ABCA13: variants seen among roughly 807,000 people sequenced by gnomAD.
ABCA13 encodes ATP binding cassette subfamily A member 13.
In ABCA13, 476 loss-of-function variants were observed where a neutral mutation model predicts 478.7. The observed-to-expected ratio is 0.99, with a 90% CI of 0.92 to 1.07. The LOEUF (loss-of-function observed/expected upper bound fraction) is 1.07. Among genes scored for constraint, ABCA13 ranks in the 50% least tolerant of loss-of-function variants. ABCA13 has a pLI of 0.00. For synonymous variants in ABCA13, 2,252 were observed against 2,158.9 expected (o/e 1.04, Z -1.20); for missense variants, 6,060 against 5,910.6 (o/e 1.03, Z -0.83).
chr7:48,241,284 G>C (rs1036410845), intron 10 of ABCA13, among the ~76,000 whole-genome samples: 1 of 152,184 alleles, frequency 6.6e-6, no homozygotes, highest in Non-Finnish European at 1.5e-5. Context: ...GCAATCGACC[G>C]AATACGGGAG....
At chr7:48,199,867 A>G (rs902726860) in intron 3 of ABCA13, among the ~76,000 whole-genome samples, 4 of 152,198 alleles carry the variant, frequency 2.6e-5, no homozygotes, top group Non-Finnish European at 5.9e-5. Flanking sequence ...TTTTGTGGCT[A>G]AACAATACTG....
In ABCA13 at chr7:48,276,302, G is replaced by C. The variant is rs2128763414; in HGVS notation, c.6636G>C (p.Leu2212Phe). Reference sequence around the variant, plus strand: ...TTTTTGAAAACATCCTAATTAATTTGATCAATAACTTAGCTGGGAATTCTC... The same window carrying C: ...TTTTTGAAAACATCCTAATTAATTTCATCAATAACTTAGCTGGGAATTCTC... ...QLLFENILINLINNLAGNSQE... is the reference protein window; with the variant it reads ...QLLFENILINFINNLAGNSQE... The change falls in exon 17 of 62, where the codon TTG (leucine) becomes TTC (phenylalanine). Residue 2212 changes from leucine (L) to phenylalanine (F), a missense_variant. Transcript: ENST00000435803. 4 of 1,555,958 alleles carry C rather than the reference G, an allele frequency of 2.6e-6. No homozygotes were observed. In the East Asian group the frequency reaches 7.0e-5, roughly 27 times the overall value.
intron 23 of ABCA13, among the ~76,000 whole-genome samples, chr7:48,307,607 T>TA (rs551123180): frequency 1.3e-5 from 2 of 151,742 alleles, no homozygotes; most frequent in African/African-American, 2.4e-5. Flanking sequence ...TCTACATTTA[T>TA]AAAAAAAAAT....
intron 58 of ABCA13, among the ~76,000 whole-genome samples, chr7:48,615,053 A>G (rs1157066576): frequency 6.6e-6 from 1 of 150,964 alleles, no homozygotes; most frequent in Non-Finnish European, 1.5e-5. Context: ...AAATAAAAAA[A>G]TAAATAAATA....
rs369906524 is a variant in ABCA13 at position 48,314,434 on chromosome 7, A to G, written c.9859+25A>G. 1.3e-4 allele frequency: 196 copies of G among 1,497,104 alleles called. 2 individuals are homozygous for G. Among genetic ancestry groups the G allele is most frequent in the Non-Finnish European group, 1.7e-4 (184 of 1,112,322 alleles). 92.7% of individuals were successfully genotyped at this position (1,497,104 alleles called of 1,614,324 possible). On this transcript the variant is annotated intron_variant, in intron 26 of 61. Transcript: ENST00000435803. Reference sequence around the variant, plus strand: ...AGTAAGACAGTAGTAATATATATATATGTGTTTAGATTCGTTTGTATCTTG... The same window carrying G: ...AGTAAGACAGTAGTAATATATATATGTGTGTTTAGATTCGTTTGTATCTTG...
At chr7:48,363,085 G>C (rs1232077170) in intron 31 of ABCA13, among the ~76,000 whole-genome samples, 1 of 152,014 alleles carries the variant, frequency 6.6e-6, no homozygotes, top group Non-Finnish European at 1.5e-5. Context: ...CTTACCATCA[G>C]CCCTTTCACT....
At chr7:48,228,624 G>A (rs1156649016) in intron 6 of ABCA13, among the ~76,000 whole-genome samples, 1 of 152,122 alleles carries the variant, frequency 6.6e-6, no homozygotes, top group Non-Finnish European at 1.5e-5. Context: ...CCAGGGACAG[G>A]TGCTCCCCAA....
Position 48,633,404 on chromosome 7 carries a change from T to C in ABCA13, c.14838-9884T>C, listed in dbSNP as rs1307781013. Among the ~76,000 whole-genome samples the C allele has an allele frequency of 2.0e-5, 3 of 152,084 alleles. No homozygotes were observed. The East Asian group carries it at 5.8e-4, about 29-fold the overall frequency. ...AACAAAGAAATTCTAGACTTAACTTTGACACTTGACAAATTGGACCTAATA... is the reference window on the plus strand; with the variant it reads ...AACAAAGAAATTCTAGACTTAACTTCGACACTTGACAAATTGGACCTAATA... On this transcript the variant is annotated intron_variant, in intron 59 of 61. Transcript: ENST00000435803.
rs571402734 is a variant in ABCA13 at position 48,375,618 on chromosome 7, G to T, written c.11204-823G>T. ...TAGATATTTGTATGGTTTTTTTTGGGGGGGGGTGTTTTTGTAAACAGAGGT... is the reference window on the plus strand; with the variant it reads ...TAGATATTTGTATGGTTTTTTTTGGTGGGGGGTGTTTTTGTAAACAGAGGT... On this transcript the variant is annotated intron_variant, in intron 34 of 61. Coordinates refer to ENST00000435803, the MANE Select transcript of ABCA13 (RefSeq NM_152701.5). 1.3e-5 allele frequency among the ~76,000 whole-genome samples: 2 copies of T among 151,850 alleles called. 1 individual carries two copies. The highest frequency in any genetic ancestry group is 6.4e-3 in the Middle Eastern group (2 of 314).
At chr7:48,625,959 G>A (rs1793624444) in intron 59 of ABCA13, among the ~76,000 whole-genome samples, 1 of 152,170 alleles carries the variant, frequency 6.6e-6, no homozygotes, top group Admixed American at 6.6e-5. Context: ...TGATGAAAAT[G>A]TGATTCCTAA....
At chr7:48,509,768 T>G (rs943209047) in intron 50 of ABCA13, among the ~76,000 whole-genome samples, 5 of 152,194 alleles carry the variant, frequency 3.3e-5, no homozygotes, top group African/African-American at 9.6e-5. Flanking sequence ...AAAATTCATG[T>G]TGACACCTAA....
At chr7:48,413,436 C>G (rs1267528978) in intron 41 of ABCA13, among the ~76,000 whole-genome samples, 2 of 152,126 alleles carry the variant, frequency 1.3e-5, no homozygotes, top group Non-Finnish European at 2.9e-5. Flanking sequence ...GGCGTTTCCT[C>G]CAGGAGGACA....
At chr7:48,444,140 CT>C (rs752804870) in intron 42 of ABCA13, among the ~76,000 whole-genome samples, 6 of 152,208 alleles carry the variant, frequency 3.9e-5, no homozygotes, top group Non-Finnish European at 5.9e-5. Context: ...ATGCCTCCCC[CT>C]GTCCTGAATC....
chr7:48,316,855 C>A (rs550587125), intron 26 of ABCA13, among the ~76,000 whole-genome samples: 3 of 152,078 alleles, frequency 2.0e-5, no homozygotes, highest in African/African-American at 7.2e-5. Flanking sequence ...CTCTTGGGAA[C>A]TAATAGAGTG....
At chr7:48,601,782 C>T (rs1790917728) in intron 58 of ABCA13, among the ~76,000 whole-genome samples, 1 of 152,102 alleles carries the variant, frequency 6.6e-6, no homozygotes, top group South Asian at 2.1e-4. Context: ...GTTCTAGATC[C>T]TTGAGGAATT....
intron 42 of ABCA13, among the ~76,000 whole-genome samples, chr7:48,433,012 C>T (rs533171934): frequency 1.0e-3 from 154 of 151,954 alleles, no homozygotes; most frequent in Middle Eastern, 3.4e-3. Context: ...TTGATTAGCT[C>T]GGTTTAGCCG....
At chr7:48,180,382 C>T (rs780192232) in intron 1 of ABCA13, among the ~76,000 whole-genome samples, 2 of 152,170 alleles carry the variant, frequency 1.3e-5, no homozygotes, top group Non-Finnish European at 2.9e-5. Flanking sequence ...ATTATCCTAA[C>T]ATACTACTCT....
At chr7:48,327,159 G>A (rs1036671881) in intron 27 of ABCA13, among the ~76,000 whole-genome samples, 36 of 152,162 alleles carry the variant, frequency 2.4e-4, no homozygotes, top group African/African-American at 6.5e-4. Flanking sequence ...AATTTATAAA[G>A]GAAAGAGGTT....
intron 4 of ABCA13, among the ~76,000 whole-genome samples, chr7:48,220,029 A>T (rs1178865340): frequency 6.6e-6 from 1 of 151,656 alleles, no homozygotes; most frequent in African/African-American, 2.4e-5. Flanking sequence ...ATTTACTTTG[A>T]TTACAAACCT....
Sources: allele counts gnomAD v4.1 joint callset (sites outside exome capture counted in the v4.1 genomes callset), GRCh38; gene constraint gnomAD v4.1.1; transcripts MANE v1.5; gene names NCBI Gene and HGNC (gene_info 2026-07-23, HGNC 2026-07-21).